Variants in PEX7 observed in about 807,000 individuals in gnomAD.
PEX7 encodes the protein PTS2 receptor.
In PEX7, 34 loss-of-function variants were observed where a neutral mutation model predicts 47.5. That is an observed-to-expected ratio of 0.72 (90% CI 0.54 to 0.95). PEX7 has a LOEUF of 0.95. PEX7 is among the 40% of genes least tolerant of loss of function. The pLI is 0.00. For synonymous variants in PEX7, 141 were observed against 148.8 expected (o/e 0.95, Z 0.38); for missense variants, 394 against 400.3 (o/e 0.98, Z 0.13).
rs143976435 is a variant in PEX7 at position 136,868,420 on chromosome 6, T to C, written c.634-1470T>C. Among the ~76,000 whole-genome samples, 74 of 152,186 alleles carry C rather than the reference T, an allele frequency of 4.9e-4. 1 individual carries two copies. In the East Asian group the frequency reaches 0.013, roughly 26 times the overall value. On this transcript the variant is annotated intron_variant, in intron 6 of 9. Coordinates refer to ENST00000318471, the MANE Select transcript of PEX7 (RefSeq NM_000288.4). Reference sequence around the variant, plus strand: ...GCAGAGTTCTTTAAATAAAAATAAGTAAAATAAGTTAAAATATAGTATATA... The same window carrying C: ...GCAGAGTTCTTTAAATAAAAATAAGCAAAATAAGTTAAAATATAGTATATA...
At chr6:136,850,394 T>C (rs1298014704) in intron 5 of PEX7, among the ~76,000 whole-genome samples, 1 of 152,190 alleles carries the variant, frequency 6.6e-6, no homozygotes, top group East Asian at 1.9e-4. Context: ...AATTTGATCC[T>C]GTCATTATGA....
intron 5 of PEX7, 146 bp downstream of exon 5, chr6:136,846,327 T>C (rs935012977): frequency 2.3e-6 from 1 of 435,362 alleles, no homozygotes. Context: ...TTTACTTCTT[T>C]TTTTATTTTT....
rs1176031251 is a variant in PEX7, at chr6:136,823,503, A to C, written c.130+708A>C. On this transcript the variant is annotated intron_variant, in intron 1 of 9. Transcript: ENST00000318471. ...AGCCCGGGATGTTGAGGCTACAATGAGCTGAGATCACATCACTCTGCCCCA... is the reference window on the plus strand; with the variant it reads ...AGCCCGGGATGTTGAGGCTACAATGCGCTGAGATCACATCACTCTGCCCCA... 14 of 203,712 alleles carry C rather than the reference A, an allele frequency of 6.9e-5. No individual in the cohort carries two copies. The Admixed American group carries it at 9.1e-4, about 13-fold the overall frequency. 12.6% of individuals were successfully genotyped at this position (203,712 alleles called of 1,614,324 possible). A position where few individuals can be genotyped will look rare whatever the true frequency, so the allele number is the denominator to read the frequency against.
intron 3 of PEX7, among the ~76,000 whole-genome samples, chr6:136,834,737 A>G (rs575020238): frequency 6.6e-6 from 1 of 152,274 alleles, no homozygotes; most frequent in Non-Finnish European, 1.5e-5. Flanking sequence ...CAGGAGAAAG[A>G]TGGATTGTGT....
intron 5 of PEX7, among the ~76,000 whole-genome samples, chr6:136,852,201 G>T (rs1434387551): frequency 2.6e-5 from 4 of 152,052 alleles, no homozygotes; most frequent in Non-Finnish European, 5.9e-5. Flanking sequence ...AAGGGATCCA[G>T]TTTCAGCTTT....
intron 3 of PEX7, 94 bp downstream of exon 3, chr6:136,826,563 G>A: frequency 6.9e-7 from 1 of 1,439,512 alleles, no homozygotes; most frequent in Non-Finnish European, 9.7e-7. Flanking sequence ...ATATCTTCAG[G>A]GGACAAGTTT....
chr6:136,872,377 A>G, intron 8 of PEX7, 124 bp downstream of exon 8: 1 of 743,522 alleles, frequency 1.3e-6, no homozygotes, highest in Admixed American at 2.4e-5. Flanking sequence ...GGGTACATTT[A>G]AATATTTACT....
chr6:136,886,620 T>G (rs1562752758), intron 8 of PEX7, among the ~76,000 whole-genome samples: 2 of 152,168 alleles, frequency 1.3e-5, no homozygotes, highest in Admixed American at 6.5e-5. Flanking sequence ...TTACAGCCAC[T>G]GAGGAGCTTT....
At chr6:136,862,333 C>T (rs1253671877) in intron 5 of PEX7, among the ~76,000 whole-genome samples, 2 of 151,784 alleles carry the variant, frequency 1.3e-5, no homozygotes, top group Non-Finnish European at 2.9e-5. Flanking sequence ...CTGCCTTAGC[C>T]TCCCAAAGTG....
At chr6:136,867,014 T>A (rs1775084312) in intron 6 of PEX7, among the ~76,000 whole-genome samples, 1 of 152,228 alleles carries the variant, frequency 6.6e-6, no homozygotes, top group Non-Finnish European at 1.5e-5. Flanking sequence ...ATTTTTTTCT[T>A]TATTGCTCTT....
chr6:136,879,289 T>C (rs571099391), intron 8 of PEX7, among the ~76,000 whole-genome samples: 1 of 152,334 alleles, frequency 6.6e-6, no homozygotes, highest in Admixed American at 6.5e-5. Context: ...GGAAATGCCA[T>C]AGATTTCTCA....
At chr6:136,829,013 A>G (rs546300834) in intron 3 of PEX7, among the ~76,000 whole-genome samples, 2 of 152,304 alleles carry the variant, frequency 1.3e-5, no homozygotes, top group East Asian at 3.8e-4. Flanking sequence ...TTTCAAATGC[A>G]CTTTTTGGTA....
chr6:136,894,547 G>A (rs1320505500), intron 8 of PEX7, among the ~76,000 whole-genome samples: 1 of 152,020 alleles, frequency 6.6e-6, no homozygotes, highest in African/African-American at 2.4e-5. Context: ...CCGAGATCGC[G>A]CCACTGCACT....
intron 3 of PEX7, among the ~76,000 whole-genome samples, chr6:136,833,484 C>G (rs1774330745): frequency 6.6e-6 from 1 of 152,216 alleles, no homozygotes; most frequent in Non-Finnish European, 1.5e-5. Context: ...ATGTTTAAGA[C>G]TACACAACAC....
chr6:136,874,076 T>C (rs192183205), intron 8 of PEX7, among the ~76,000 whole-genome samples: 95 of 152,364 alleles, frequency 6.2e-4, no homozygotes, highest in African/African-American at 1.7e-3. Context: ...AGTTGCAGTT[T>C]TCTTTCTTTT....
chr6:136,855,118 G>A (rs1372314329), intron 5 of PEX7, among the ~76,000 whole-genome samples: 1 of 151,734 alleles, frequency 6.6e-6, no homozygotes, highest in Non-Finnish European at 1.5e-5. Context: ...GCATGCTTCT[G>A]TTCTAGTGAA....
At chr6:136,834,307 C>T (rs1228472310) in intron 3 of PEX7, among the ~76,000 whole-genome samples, 1 of 152,222 alleles carries the variant, frequency 6.6e-6, no homozygotes, top group African/African-American at 2.4e-5. Context: ...CCTCTGGCCT[C>T]CTGAGCTCGA....
At chr6:136,883,881 G>A (rs1775421901) in intron 8 of PEX7, among the ~76,000 whole-genome samples, 1 of 152,140 alleles carries the variant, frequency 6.6e-6, no homozygotes, top group Non-Finnish European at 1.5e-5. Context: ...TTCCCAGTAC[G>A]AAGTGGAGCA....
intron 9 of PEX7, among the ~76,000 whole-genome samples, chr6:136,909,053 C>G (rs879046394): frequency 2.0e-5 from 3 of 152,168 alleles, no homozygotes; most frequent in Admixed American, 2.0e-4. Flanking sequence ...ATAGGTGTCT[C>G]TTTGCTTACC....
Sources: allele counts gnomAD v4.1 joint callset (sites outside exome capture counted in the v4.1 genomes callset), GRCh38; gene constraint gnomAD v4.1.1; transcripts MANE v1.5; gene names NCBI Gene and HGNC (gene_info 2026-07-23, HGNC 2026-07-21).